Variants in CDK14 observed in about 807,000 individuals in gnomAD.
CDK14 encodes the protein cyclin dependent kinase 14.
Under a neutral mutation model 60.7 loss-of-function variants are expected in CDK14, and 34 were observed. That is an observed-to-expected ratio of 0.56 (90% CI 0.43 to 0.75). The LOEUF is 0.75. Among genes scored for constraint, CDK14 ranks in the 30% least tolerant of loss-of-function variants. The probability of loss-of-function intolerance (pLI) is 0.00; values close to 1 mark genes in which losing one functional copy is unlikely to be tolerated. For synonymous variants in CDK14, 197 were observed against 203.7 expected (o/e 0.97, Z 0.28); for missense variants, 482 against 564.1 (o/e 0.85, Z 1.47).
rs534378022 is a variant in CDK14, at chr7:91,010,292, C to CA, written c.1041+26060dup. ...TTCATAATCTGCTGATCAGTTACTA[C>CA]AAAAAAAAAGCCTGCTTGGTATTTA... On this transcript the variant is annotated intron_variant, in intron 10 of 14. Coordinates refer to ENST00000380050, the MANE Select transcript of CDK14 (RefSeq NM_001287135.2). Among the ~76,000 whole-genome samples, 36 of 149,968 alleles carry CA rather than the reference C, an allele frequency of 2.4e-4. No homozygotes were observed. In the South Asian group the frequency reaches 2.9e-3, roughly 12 times the overall value.
intron 5 of CDK14, among the ~76,000 whole-genome samples, chr7:90,808,604 TCA>T (rs1788958359): frequency 6.6e-6 from 1 of 152,122 alleles, no homozygotes; most frequent in Non-Finnish European, 1.5e-5. Context: ...AGGATCAAAT[TCA>T]CACATAAAGA....
At chr7:90,928,240 G>A (rs557246905) in intron 8 of CDK14, among the ~76,000 whole-genome samples, 11 of 152,222 alleles carry the variant, frequency 7.2e-5, no homozygotes, top group African/African-American at 2.2e-4. Flanking sequence ...GTCATTCTCC[G>A]TCCAGCTTTG....
chr7:90,723,898 C>T (rs575141329), intron 2 of CDK14, among the ~76,000 whole-genome samples: 7 of 152,274 alleles, frequency 4.6e-5, no homozygotes, highest in Admixed American at 2.0e-4. Context: ...CTGTAGTTTC[C>T]TTACAATGTT....
chr7:90,618,838 TG>T (rs1413052668), intron 2 of CDK14, among the ~76,000 whole-genome samples: 1 of 151,932 alleles, frequency 6.6e-6, no homozygotes, highest in Non-Finnish European at 1.5e-5. Context: ...ACAGAAAGAG[TG>T]ATTTTAGATT....
chr7:90,713,711 A>C (rs974995244), intron 2 of CDK14, among the ~76,000 whole-genome samples: 9 of 146,444 alleles, frequency 6.1e-5, no homozygotes, highest in African/African-American at 2.3e-4. Context: ...TTTTTTGTTT[A>C]CTTCTCTCAT....
At chr7:90,841,553 T>C (rs1790290593) in intron 5 of CDK14, among the ~76,000 whole-genome samples, 1 of 152,016 alleles carries the variant, frequency 6.6e-6, no homozygotes, top group African/African-American at 2.4e-5. Flanking sequence ...CCTTTTTTGT[T>C]AGTTGCCCAT....
In CDK14 at chr7:90,976,526, AT is replaced by A. The variant is rs1014154845; in HGVS notation, c.948-7611del. Among the ~76,000 whole-genome samples the A allele has an allele frequency of 3.2e-3, 472 of 147,278 alleles. 2 individuals carry two copies. The highest frequency in any genetic ancestry group is 0.01 in the African/African-American group (418 of 40,314). On this transcript the variant is annotated intron_variant, in intron 9 of 14. Coordinates refer to ENST00000380050, the MANE Select transcript of CDK14 (RefSeq NM_001287135.2). ...GGTGCAGTCCCACCATGCCTGGCAA[AT>A]TTTTTTTTTTAACTTTTTGTGGAGA...
intron 2 of CDK14, among the ~76,000 whole-genome samples, chr7:90,672,398 G>A (rs558756673): frequency 6.7e-6 from 1 of 149,880 alleles, no homozygotes; most frequent in African/African-American, 2.5e-5. Flanking sequence ...AAAAACACAT[G>A]GAGTCATACA....
chr7:90,710,501 A>G, intron 2 of CDK14: 1 of 985,008 alleles, frequency 1.0e-6, no homozygotes, highest in Non-Finnish European at 1.2e-6. Flanking sequence ...TGCTCATCCT[A>G]TTTCCTTCCT....
intron 14 of CDK14, among the ~76,000 whole-genome samples, chr7:91,126,547 A>G (rs1430033372): frequency 2.6e-5 from 4 of 152,224 alleles, no homozygotes; most frequent in Admixed American, 2.0e-4. Context: ...GAGTGGGATT[A>G]TGAGAATTGC....
intron 9 of CDK14, among the ~76,000 whole-genome samples, chr7:90,958,391 T>C (rs1184118125): frequency 6.6e-6 from 1 of 152,182 alleles, no homozygotes; most frequent in Admixed American, 6.6e-5. Flanking sequence ...AGATCTGTTG[T>C]CATAAATTTT....
chr7:90,854,838 G>C (rs11982697), intron 5 of CDK14, among the ~76,000 whole-genome samples: 2 of 152,056 alleles, frequency 1.3e-5, no homozygotes, highest in African/African-American at 4.8e-5. Flanking sequence ...GAAACCCTCA[G>C]TCCCTAAATT....
intron 8 of CDK14, among the ~76,000 whole-genome samples, chr7:90,925,454 T>G (rs944758630): frequency 6.6e-6 from 1 of 152,212 alleles, no homozygotes; most frequent in Admixed American, 6.5e-5. Context: ...ATGGAAGATT[T>G]CAAGATCAAA....
intron 12 of CDK14, among the ~76,000 whole-genome samples, chr7:91,088,636 T>C (rs1798710862): frequency 6.6e-6 from 1 of 151,300 alleles, no homozygotes; most frequent in Non-Finnish European, 1.5e-5. Context: ...TGAATAGAAA[T>C]ATTAAAGGGA....
intron 14 of CDK14, among the ~76,000 whole-genome samples, chr7:91,152,755 G>A (rs1220422188): frequency 6.6e-6 from 1 of 152,194 alleles, no homozygotes; most frequent in East Asian, 1.9e-4. Context: ...GAAAAAATAT[G>A]ATGTAGGAGA....
At chr7:90,715,832 G>C (rs965153740) in intron 2 of CDK14, among the ~76,000 whole-genome samples, 2 of 151,606 alleles carry the variant, frequency 1.3e-5, no homozygotes, top group Non-Finnish European at 2.9e-5. Flanking sequence ...GGAAAACGCT[G>C]TGTTTTGTAG....
At chr7:90,996,659 G>A (rs1287597167) in intron 10 of CDK14, among the ~76,000 whole-genome samples, 1 of 152,168 alleles carries the variant, frequency 6.6e-6, no homozygotes, top group African/African-American at 2.4e-5. Flanking sequence ...TAATGTGTAT[G>A]TATGGAGGCT....
chr7:90,835,723 T>C (rs1790072862), intron 5 of CDK14, among the ~76,000 whole-genome samples: 1 of 152,184 alleles, frequency 6.6e-6, no homozygotes, highest in Non-Finnish European at 1.5e-5. Context: ...TGTGGGTATA[T>C]ATTAAGTCCT....
At chr7:90,772,582 C>G (rs1804828630) in intron 4 of CDK14, among the ~76,000 whole-genome samples, 1 of 152,120 alleles carries the variant, frequency 6.6e-6, no homozygotes, top group African/African-American at 2.4e-5. Context: ...GCACTTCCCC[C>G]TTTGCTCTCT....
Sources: gnomAD v4.1 joint callset for allele counts (sites outside exome capture counted in the v4.1 genomes callset) on GRCh38, gnomAD v4.1.1 for gene constraint, MANE v1.5 for transcripts, NCBI Gene and HGNC (gene_info 2026-07-23, HGNC 2026-07-21) for gene names.